Variants in FHIT observed in about 807,000 individuals in gnomAD.
The protein encoded by FHIT is bis(5'-adenosyl)-triphosphatase.
A neutral mutation model predicts 17.9 loss-of-function variants in FHIT; 19 were observed. The observed-to-expected ratio is 1.06, with a 90% CI of 0.74 to 1.56. The LOEUF (loss-of-function observed/expected upper bound fraction) is 1.56, where lower values mean the gene tolerates loss of function less well. FHIT is among the 40% of genes most tolerant of loss of function. FHIT has a pLI of 0.00. For missense variants in FHIT, 248 were observed against 189.2 expected, an observed-to-expected ratio of 1.31 and a Z score of -1.82; for synonymous variants, 81 against 69.7, an observed-to-expected ratio of 1.16 and a Z score of -0.81.
chr3:61,105,226 G>T (rs2035955614), intron 2 of FHIT, among the ~76,000 whole-genome samples: 1 of 144,112 alleles, frequency 6.9e-6, no homozygotes, highest in East Asian at 2.0e-4. Context: ...TGAGGTTGCT[G>T]ACCTTTGGAT....
intron 5 of FHIT, among the ~76,000 whole-genome samples, chr3:60,263,220 C>T (rs759327422): frequency 1.3e-5 from 2 of 151,862 alleles, no homozygotes; most frequent in African/African-American, 2.4e-5. Flanking sequence ...GGATTGGCAG[C>T]AATTAAGAAC....
At chr3:60,913,036 T>C (rs1280938069) in intron 3 of FHIT, among the ~76,000 whole-genome samples, 1 of 152,202 alleles carries the variant, frequency 6.6e-6, no homozygotes. Flanking sequence ...GCAGAGCCTG[T>C]TTCACAATGA....
At chr3:61,130,398 C>G (rs774315769) in intron 2 of FHIT, among the ~76,000 whole-genome samples, 8 of 152,124 alleles carry the variant, frequency 5.3e-5, no homozygotes, top group Non-Finnish European at 1.0e-4. Flanking sequence ...ATTCCCAAAT[C>G]CACATTCTTA....
intron 3 of FHIT, among the ~76,000 whole-genome samples, chr3:61,002,387 C>T (rs1292999535): frequency 2.0e-5 from 3 of 152,176 alleles, no homozygotes; most frequent in Non-Finnish European, 4.4e-5. Context: ...CTCAGCCTCC[C>T]GAGTAGCTGG....
intron 8 of FHIT, among the ~76,000 whole-genome samples, chr3:59,835,106 A>T (rs754265120): frequency 3.9e-5 from 6 of 152,274 alleles, no homozygotes; most frequent in Admixed American, 2.0e-4. Flanking sequence ...TCTTTCCCTA[A>T]GAGTTATAAT....
intron 5 of FHIT, among the ~76,000 whole-genome samples, chr3:60,535,485 A>G (rs889644651): frequency 1.3e-5 from 2 of 152,184 alleles, no homozygotes; most frequent in African/African-American, 4.8e-5. Flanking sequence ...ATAGCAAAAT[A>G]AAATGTTACT....
At chr3:60,662,812 CT>C (rs1553691508) in intron 4 of FHIT, among the ~76,000 whole-genome samples, 1 of 151,868 alleles carries the variant, frequency 6.6e-6, no homozygotes, top group East Asian at 1.9e-4. Flanking sequence ...AACATTTTGC[CT>C]TGCCTTACAT....
chr3:61,239,011 G>C (rs1000205535), intron 1 of FHIT, among the ~76,000 whole-genome samples: 1 of 152,178 alleles, frequency 6.6e-6, no homozygotes, highest in East Asian at 1.9e-4. Flanking sequence ...CTAGGGTCCA[G>C]AGAGTGTATT....
intron 5 of FHIT, among the ~76,000 whole-genome samples, chr3:60,407,864 T>C (rs1701929721): frequency 6.6e-6 from 1 of 152,186 alleles, no homozygotes; most frequent in African/African-American, 2.4e-5. Context: ...ATTTTTCAAA[T>C]AGGAGCCCCT....
intron 5 of FHIT, among the ~76,000 whole-genome samples, chr3:60,331,836 A>T (rs894134538): frequency 1.4e-5 from 2 of 146,146 alleles, no homozygotes; most frequent in African/African-American, 5.0e-5. Flanking sequence ...ACAAGAGCAA[A>T]ACTCTGTCTC....
At chr3:60,592,751 T>A (rs1226492178) in intron 4 of FHIT, among the ~76,000 whole-genome samples, 1 of 152,038 alleles carries the variant, frequency 6.6e-6, no homozygotes, top group Non-Finnish European at 1.5e-5. Flanking sequence ...TAGGCAGTTG[T>A]GCAGGCTCCC....
chr3:60,462,737 G>C (rs953286446), intron 5 of FHIT, among the ~76,000 whole-genome samples: 1 of 152,140 alleles, frequency 6.6e-6, no homozygotes, highest in African/African-American at 2.4e-5. Context: ...GGAAAGACAG[G>C]AAGGTGCCAA....
intron 5 of FHIT, among the ~76,000 whole-genome samples, chr3:60,161,602 G>C (rs1194057304): frequency 6.6e-6 from 1 of 152,096 alleles, no homozygotes; most frequent in African/African-American, 2.4e-5. Context: ...TTAGGGGATA[G>C]GACGCTTGCC....
chr3:60,842,259 C>G (rs1702745593), intron 3 of FHIT, among the ~76,000 whole-genome samples: 1 of 151,970 alleles, frequency 6.6e-6, no homozygotes, highest in Admixed American at 6.6e-5. Flanking sequence ...AAATATCTCA[C>G]CAACAGTCCC....
At chr3:59,927,165 G>A (rs1705703419) in intron 7 of FHIT, among the ~76,000 whole-genome samples, 1 of 152,138 alleles carries the variant, frequency 6.6e-6, no homozygotes, top group Non-Finnish European at 1.5e-5. Flanking sequence ...TGCGCTGAGT[G>A]AAAGCATCAT....
At chr3:60,156,068 T>A (rs1700675320) in intron 5 of FHIT, among the ~76,000 whole-genome samples, 1 of 152,052 alleles carries the variant, frequency 6.6e-6, no homozygotes, top group African/African-American at 2.4e-5. Flanking sequence ...AAAAGATCAT[T>A]TAGGGCCGGG....
intron 4 of FHIT, among the ~76,000 whole-genome samples, chr3:60,764,604 C>G (rs1699785170): frequency 6.6e-6 from 1 of 152,070 alleles, no homozygotes; most frequent in Admixed American, 6.6e-5. Flanking sequence ...TTATAAGTCT[C>G]AGGGTATTAA....
At chr3:61,007,137 T>A (rs537898807) in intron 3 of FHIT, among the ~76,000 whole-genome samples, 2 of 152,298 alleles carry the variant, frequency 1.3e-5, no homozygotes, top group East Asian at 3.9e-4. Flanking sequence ...TGAAATGTTG[T>A]TGTTTTGTAT....
intron 4 of FHIT, among the ~76,000 whole-genome samples, chr3:60,795,110 C>CT (rs1553729830): frequency 6.6e-6 from 1 of 152,144 alleles, no homozygotes; most frequent in African/African-American, 2.4e-5. Context: ...CTGCATCTTG[C>CT]TTTTTTTTCA....
Sources: gnomAD v4.1 joint callset for allele counts (sites outside exome capture counted in the v4.1 genomes callset) on GRCh38, gnomAD v4.1.1 for gene constraint, MANE v1.5 for transcripts, NCBI Gene and HGNC (gene_info 2026-07-23, HGNC 2026-07-21) for gene names.